NCOR1: variants seen among roughly 807,000 people sequenced by gnomAD.
The protein encoded by NCOR1 is nuclear receptor corepressor 1, also known as protein phosphatase 1, regulatory subunit 109.
In NCOR1, 63 loss-of-function variants were observed where a neutral mutation model predicts 288.1. The ratio of observed to expected loss-of-function variants is 0.22; its 90% CI spans 0.18 to 0.27. The LOEUF is 0.27. NCOR1 is among the 10% of genes least tolerant of loss of function. The pLI is 1.00. For missense variants in NCOR1, 2,397 were observed against 3,019.2 expected, an observed-to-expected ratio of 0.79 and a Z score of 4.83; for synonymous variants, 1,007 against 1,065.9, an observed-to-expected ratio of 0.94 and a Z score of 1.08.
chr17:16,127,478 TAC>T (rs1248120918), intron 14 of NCOR1, among the ~76,000 whole-genome samples: 1 of 147,576 alleles, frequency 6.8e-6, no homozygotes, highest in Non-Finnish European at 1.5e-5. Flanking sequence ...TGTGTATATA[TAC>T]ACGTGTGTAT....
At chr17:16,208,910 T>C (rs549283044) in intron 1 of NCOR1, among the ~76,000 whole-genome samples, 1 of 152,280 alleles carries the variant, frequency 6.6e-6, no homozygotes, top group East Asian at 1.9e-4. Flanking sequence ...ATTGGTGAAA[T>C]TTCTACATGT....
rs922485278 is a variant in NCOR1, at chr17:16,098,665, C to T, written c.2691-169G>A. The T allele has an allele frequency of 1.9e-5, 9 of 476,502 alleles. No individual in the cohort carries two copies. In the Admixed American group the frequency reaches 3.3e-4, roughly 18 times the overall value. 29.5% of individuals were successfully genotyped at this position (476,502 alleles called of 1,614,324 possible). A position where few individuals can be genotyped will look rare whatever the true frequency, so the allele number is the denominator to read the frequency against. ...ATTTGGACAGTTAAGGAAAAAGGAACCTACAAAGCTGATTTTCCAGATAAA... is the reference window on the plus strand; with the variant it reads ...ATTTGGACAGTTAAGGAAAAAGGAATCTACAAAGCTGATTTTCCAGATAAA... On this transcript the variant is annotated intron_variant, in intron 20 of 45. Transcript: ENST00000268712.
chr17:16,156,467 G>GAA lies in NCOR1; in HGVS notation c.732+2291_732+2292dup, dbSNP rs10672061. ...AAAAAGAAAAGAAAAGAAGGAAAGC[G>GAA]AAAAAAAAAAGAAAAGAAAAGAAGG... On this transcript the variant is annotated intron_variant, in intron 6 of 45. Transcript: ENST00000268712. Among the ~76,000 whole-genome samples, 502 of 120,958 alleles carry GAA rather than the reference G, an allele frequency of 4.2e-3. 2 individuals are homozygous for GAA. Among genetic ancestry groups the GAA allele is most frequent in the African/African-American group, 0.014 (460 of 31,978 alleles). The allele number at this position is 120,958 out of a possible 152,430, so 79.4% of individuals were successfully genotyped here. A position where few individuals can be genotyped will look rare whatever the true frequency, so the allele number is the denominator to read the frequency against.
At chr17:16,056,854 A>ATG (rs372217459) in intron 40 of NCOR1, 3 of 151,752 alleles carry the variant, frequency 2.0e-5, no homozygotes, top group South Asian at 2.1e-4. Context: ...TAAAATATAT[A>ATG]TGTGTGTGTG....
At chr17:16,058,687 T>C (rs1193954018) in intron 37 of NCOR1, 88 bp from the exon 38 acceptor site, 2 of 1,304,168 alleles carry the variant, frequency 1.5e-6, no homozygotes, top group Non-Finnish European at 2.1e-6. Context: ...ATTTTTTCAA[T>C]TCTGATCCAC....
chr17:16,130,704 G>A (rs115797678), intron 14 of NCOR1, among the ~76,000 whole-genome samples: 2 of 152,212 alleles, frequency 1.3e-5, no homozygotes, highest in South Asian at 2.1e-4. Flanking sequence ...TTCATTGTGA[G>A]ACAGGGTCTT....
At chr17:16,080,543 G>A (rs576532564) in intron 24 of NCOR1, 34 bp from the exon 25 acceptor site, 2 of 1,613,950 alleles carry the variant, frequency 1.2e-6, no homozygotes, top group African/African-American at 1.3e-5. Context: ...AAACAATCCA[G>A]TACTAAATTA....
intron 11 of NCOR1, among the ~76,000 whole-genome samples, chr17:16,139,436 C>A (rs569733898): frequency 3.4e-4 from 52 of 152,252 alleles, no homozygotes; most frequent in African/African-American, 9.9e-4. Flanking sequence ...GAATTCTTTT[C>A]TTAAACTAAG....
In NCOR1 at chr17:16,065,476, GA is replaced by G; in HGVS notation, c.4951+8del. On this transcript the variant is annotated splice_region_variant and intron_variant, in intron 33 of 45. Transcript: ENST00000268712. The stretch of plus-strand genomic sequence containing the variant: ...AATTCTACGAAATCTGAAATGCAAA[GA>G]CACACACCTCTCGTTGCTGGGTATG... 1 of 1,613,828 alleles carries G rather than the reference GA, an allele frequency of 6.2e-7. No individual in the cohort carries two copies. The highest frequency in any genetic ancestry group is 8.5e-7 in the Non-Finnish European group (1 of 1,179,792).
intron 31 of NCOR1, among the ~76,000 whole-genome samples, chr17:16,068,821 C>T (rs912941420): frequency 2.7e-5 from 4 of 150,044 alleles, no homozygotes; most frequent in Non-Finnish European, 5.9e-5. Flanking sequence ...TCAAGCGATT[C>T]TCCTGTCTCA....
At position 16,200,422 on chromosome 17, in the gene NCOR1, G is replaced by A. The variant is rs561165492; in HGVS notation, c.-70-5783C>T. ...TGAGGCAGGGGAATCGCTTGAATCT[G>A]GGAAGCGGAGGTTGTAGTGAGCTGG... On this transcript the variant is annotated intron_variant, in intron 1 of 45. Coordinates refer to ENST00000268712, the MANE Select transcript of NCOR1 (RefSeq NM_006311.4). 6.4e-3 allele frequency among the ~76,000 whole-genome samples: 922 copies of A among 144,516 alleles called. 9 individuals carry two copies. The highest frequency in any genetic ancestry group is 0.023 in the African/African-American group (898 of 39,252). 94.8% of individuals were successfully genotyped at this position (144,516 alleles called of 152,430 possible). A position where few individuals can be genotyped will look rare whatever the true frequency, so the allele number is the denominator to read the frequency against.
chr17:16,033,203 T>C (rs1313519650), intron 45 of NCOR1, among the ~76,000 whole-genome samples: 10 of 151,754 alleles, frequency 6.6e-5, no homozygotes, highest in African/African-American at 9.7e-5. Context: ...GGTGTGGTGG[T>C]GCATGCCTGT....
intron 19 of NCOR1, 106 bp downstream of exon 19, chr17:16,108,680 C>T (rs756683725): frequency 1.5e-5 from 14 of 904,444 alleles, no homozygotes; most frequent in Admixed American, 1.1e-4. Flanking sequence ...CATGAAAACA[C>T]TGGCACACTG....
At position 16,149,493 on chromosome 17, in the gene NCOR1, G is replaced by C. The variant is rs764684095; in HGVS notation, c.867C>G (p.Leu289=). 7 of 1,560,962 alleles carry C rather than the reference G, an allele frequency of 4.5e-6. No homozygotes were observed. Among genetic ancestry groups the C allele is most frequent in the Non-Finnish European group, 5.2e-6 (6 of 1,144,922 alleles). ...IKTNQVMRKK[L]ILFFKRRNHA... ...GATTTCTTCTTTTAAAAAATAAAAT[G>C]AGTTTTTTCCTCATCACCTGGTTTC... Residue 289 remains leucine, a synonymous_variant, in exon 9 of 46, where the codon CTC becomes CTG. Coordinates refer to ENST00000268712, the MANE Select transcript of NCOR1 (RefSeq NM_006311.4).
At chr17:16,083,644 TG>T (rs553200847) in intron 23 of NCOR1, among the ~76,000 whole-genome samples, 1 of 151,834 alleles carries the variant, frequency 6.6e-6, no homozygotes, top group Non-Finnish European at 1.5e-5. Context: ...CTCAGATGTT[TG>T]GGGGGAAACA....
At chr17:16,178,571 T>C (rs1462639344) in intron 3 of NCOR1, among the ~76,000 whole-genome samples, 1 of 150,688 alleles carries the variant, frequency 6.6e-6, no homozygotes, top group Non-Finnish European at 1.5e-5. Flanking sequence ...GTTCCTTGAC[T>C]CATAAAACAA....
At chr17:16,042,793 A>G (rs2057976215) in intron 42 of NCOR1, among the ~76,000 whole-genome samples, 1 of 152,184 alleles carries the variant, frequency 6.6e-6, no homozygotes, top group Non-Finnish European at 1.5e-5. Context: ...GAGGTAGAAC[A>G]TGGATTCAAT....
chr17:16,114,160 A>AAAAAAAAAAAAAAC (rs2071033766), intron 18 of NCOR1, among the ~76,000 whole-genome samples: 1 of 106,894 alleles, frequency 9.4e-6, no homozygotes, highest in Non-Finnish European at 2.0e-5. Flanking sequence ...AAAAAAAAAA[A>AAAAAAAAAAAAAAC]AAAAAAAAAC....
At chr17:16,135,917 A>G (rs1384767272) in intron 14 of NCOR1, among the ~76,000 whole-genome samples, 1 of 152,210 alleles carries the variant, frequency 6.6e-6, no homozygotes. Flanking sequence ...AAACCAGAAG[A>G]GATTTAATAA....
Sources: gnomAD v4.1 joint callset for allele counts (sites outside exome capture counted in the v4.1 genomes callset) on GRCh38, gnomAD v4.1.1 for gene constraint, MANE v1.5 for transcripts, NCBI Gene and HGNC (gene_info 2026-07-23, HGNC 2026-07-21) for gene names.